ZDHHC12: variants seen among roughly 807,000 people sequenced by gnomAD.
ZDHHC12 encodes the protein zDHHC palmitoyltransferase 12.
Under a neutral mutation model 33.2 loss-of-function variants are expected in ZDHHC12, and 26 were observed. The observed-to-expected ratio is 0.78, with a 90% confidence interval of 0.57 to 1.09. ZDHHC12 has a LOEUF of 1.09. ZDHHC12 is among the 50% of genes least tolerant of loss of function. The pLI, the probability that ZDHHC12 is intolerant of heterozygous loss-of-function variation, is 0.00. For missense variants in ZDHHC12, 350 were observed against 353.0 expected, an observed-to-expected ratio of 0.99 and a Z score of 0.07; for synonymous variants, 154 against 152.1, an observed-to-expected ratio of 1.01 and a Z score of -0.09.
chr9:128,721,473 C>A lies in ZDHHC12; in HGVS notation c.512G>T (p.Gly171Val). ...WSGLRFFQPW[G>V]QWLRSSGLLF... ...GAGCCCGCTGGACCGCAACCACTGA[C>A]CCCAGGGCTGGAAGAACCGGAGGCC... The change falls in exon 5 of 5, where the codon GGT becomes GTT. Residue 171 changes from glycine to valine, a missense_variant. Physicochemically the swap from Gly to Val is moderately radical, Grantham distance 109. Transcript: ENST00000372663. The surrounding 1 kb of genome is among the most constrained non-coding windows in gnomAD (Gnocchi z 6.9). The A allele has an allele frequency of 6.3e-7, 1 of 1,594,364 alleles. No individual in the cohort carries two copies. The highest frequency in any genetic ancestry group is 8.5e-7 in the Non-Finnish European group (1 of 1,170,892).
chr9:128,722,762 G>A lies in ZDHHC12; in HGVS notation c.101-188C>T, dbSNP rs978482538. On this transcript the variant is annotated intron_variant, in intron 1 of 4. Transcript: ENST00000372663. The surrounding 1 kb of genome is among the most constrained non-coding windows in gnomAD (Gnocchi z 4.2). The stretch of plus-strand genomic sequence containing the variant: ...TATCTGGAGGGTCAGAGGGAACCAT[G>A]GAAGGTTATAGAGCCAGATCTGTTT... 3.5e-6 allele frequency: 5 copies of A among 1,431,670 alleles called. No individual in the cohort carries two copies. Among genetic ancestry groups the A allele is most frequent in the Non-Finnish European group, 4.6e-6 (5 of 1,088,304 alleles). 88.7% of individuals were successfully genotyped at this position (1,431,670 alleles called of 1,614,324 possible).
In ZDHHC12 at chr9:128,722,008, C is replaced by A; in HGVS notation, c.315+1G>T. ...CCCACGGGTGTCCGTGCATCACTCA[C>A]CAGCACCAGGCAGTATCTGCAGCGC... On this transcript the variant is annotated splice_donor_variant, in intron 3 of 4. Coordinates refer to ENST00000372663, the MANE Select transcript of ZDHHC12 (RefSeq NM_032799.5). LOFTEE classifies it high-confidence loss of function. This position sits in a 1 kb window ranked among gnomAD's most constrained non-coding sequence, Gnocchi z 4.2. The A allele has an allele frequency of 6.2e-7, 1 of 1,614,032 alleles. No homozygotes were observed. The highest frequency in any genetic ancestry group is 8.5e-7 in the Non-Finnish European group (1 of 1,179,990).
Position 128,722,132 on chromosome 9 carries a change from G to T in ZDHHC12, c.238-46C>A. The T allele has an allele frequency of 6.2e-7, 1 of 1,610,524 alleles. No individual in the cohort carries two copies. The highest frequency in any genetic ancestry group is 8.5e-7 in the Non-Finnish European group (1 of 1,177,064). On this transcript the variant is annotated intron_variant, in intron 2 of 4. Transcript: ENST00000372663. This position sits in a 1 kb window ranked among gnomAD's most constrained non-coding sequence, Gnocchi z 4.2. ...TAAGACAGGGTCCCCTTGGGAGACA[G>T]ATGGCATTGGCGGGCAGCTCCCCTA...
Position 128,721,594 on chromosome 9 carries a change from C to A in ZDHHC12, c.482+57G>T, listed in dbSNP as rs1198311030. ...GGTCCCTGGGAGTCCTGGCTCTGTC[C>A]ACCCCTGTGGGAGCATTCATCCCAC... On this transcript the variant is annotated intron_variant, in intron 4 of 4. Coordinates refer to ENST00000372663, the MANE Select transcript of ZDHHC12 (RefSeq NM_032799.5). The surrounding 1 kb of genome is among the most constrained non-coding windows in gnomAD (Gnocchi z 6.9). The A allele has an allele frequency of 2.5e-6, 4 of 1,597,474 alleles. No homozygotes were observed. The highest frequency in any genetic ancestry group is 1.7e-5 in the Admixed American group (1 of 59,146).
In ZDHHC12 at chr9:128,721,276, G is replaced by C. The variant is rs781585258; in HGVS notation, c.709C>G (p.Arg237Gly). The change falls in exon 5 of 5, where the codon CGC becomes GGC. Residue 237 changes from arginine to glycine, a missense_variant. Arg to Gly is a moderately radical substitution (Grantham distance 125). Coordinates refer to ENST00000372663, the MANE Select transcript of ZDHHC12 (RefSeq NM_032799.5). This position sits in a 1 kb window ranked among gnomAD's most constrained non-coding sequence, Gnocchi z 6.9. ...PSNPFDRGLTRNLAHFFCGWP... is the reference protein window; with the variant it reads ...PSNPFDRGLTGNLAHFFCGWP... ...CCACAGAAGAAGTGGGCCAGGTTGC[G>C]GGTCAGGCCTCGGTCGAAGGGGTTG... 6.2e-7 allele frequency: 1 copy of C among 1,601,870 alleles called. No individual in the cohort carries two copies. The highest frequency in any genetic ancestry group is 8.5e-7 in the Non-Finnish European group (1 of 1,174,192).
Position 128,722,802 on chromosome 9 carries a change from G to T in ZDHHC12, c.101-228C>A. The T allele has an allele frequency of 7.3e-7, 1 of 1,367,036 alleles. No homozygotes were observed. Among genetic ancestry groups the T allele is most frequent in the Non-Finnish European group, 9.5e-7 (1 of 1,047,470 alleles). 84.7% of individuals were successfully genotyped at this position (1,367,036 alleles called of 1,614,324 possible). A position where few individuals can be genotyped will look rare whatever the true frequency, so the allele number is the denominator to read the frequency against. On this transcript the variant is annotated intron_variant, in intron 1 of 4. Transcript: ENST00000372663. The surrounding 1 kb of genome is among the most constrained non-coding windows in gnomAD (Gnocchi z 4.2). ...CAGATCTGTTTTGGAAAACCTCATT[G>T]CTAAAGAAATGGATCAGGGGAAGCC... is the stretch of plus-strand genomic sequence containing the variant.
Position 128,723,944 on chromosome 9 carries a change from G to C in ZDHHC12, c.100+50C>G, listed in dbSNP as rs952395708. On this transcript the variant is annotated intron_variant, in intron 1 of 4. Coordinates refer to ENST00000372663, the MANE Select transcript of ZDHHC12 (RefSeq NM_032799.5). The surrounding 1 kb of genome is among the most constrained non-coding windows in gnomAD (Gnocchi z 4.4). ...GACCCAGTGTGACCAGAACGTCTGG[G>C]GAAGTACGCGGGATCGGGTGGGTCC... 3 of 1,585,504 alleles carry C rather than the reference G, an allele frequency of 1.9e-6. No individual in the cohort carries two copies. The highest frequency in any genetic ancestry group is 1.8e-5 in the Admixed American group (1 of 56,212).
At position 128,724,126 on chromosome 9, in the gene ZDHHC12, G is replaced by A; in HGVS notation, c.-33C>T. The A allele has an allele frequency of 1.3e-6, 2 of 1,494,548 alleles. No homozygotes were observed. The highest frequency in any genetic ancestry group is 1.4e-5 in the African/African-American group (1 of 70,838). 92.6% of individuals were successfully genotyped at this position (1,494,548 alleles called of 1,614,324 possible). ...GCCCGGGGCCCCACCCGGAAGAAGC[G>A]CCCAGAGGGGCGGGCCCTCCGAGGG... On this transcript the variant is annotated 5_prime_UTR_variant, in exon 1 of 5. Transcript: ENST00000372663.
In ZDHHC12 at chr9:128,722,217, G is replaced by A; in HGVS notation, c.238-131C>T. The A allele has an allele frequency of 3.3e-6, 4 of 1,220,606 alleles. No homozygotes were observed. In the South Asian group the frequency reaches 5.5e-5, roughly 17 times the overall value. 75.6% of individuals were successfully genotyped at this position (1,220,606 alleles called of 1,614,324 possible). On this transcript the variant is annotated intron_variant, in intron 2 of 4. Transcript: ENST00000372663. This position sits in a 1 kb window ranked among gnomAD's most constrained non-coding sequence, Gnocchi z 4.2. The stretch of plus-strand genomic sequence containing the variant: ...CCCATCCCATGCAGAATGGAGGTGT[G>A]GGGTATGGCGGAGCACCCTGGACTG...
In ZDHHC12 at chr9:128,721,763, C is replaced by A; in HGVS notation, c.370G>T (p.Asp124Tyr). ...RECRRCVRRY[D>Y]HHCPWMENCV... ...TTCTCCATCCAGGGGCAGTGGTGGT[C>A]GTAGCGGCGGACGCAACGGCGGCAC... The change falls in exon 4 of 5, where the codon GAC becomes TAC. Residue 124 changes from aspartate to tyrosine, a missense_variant. Asp to Tyr is a radical substitution (Grantham distance 160, BLOSUM62 -3). Coordinates refer to ENST00000372663, the MANE Select transcript of ZDHHC12 (RefSeq NM_032799.5). The surrounding 1 kb of genome is among the most constrained non-coding windows in gnomAD (Gnocchi z 6.9). 1 of 1,613,736 alleles carries A rather than the reference C, an allele frequency of 6.2e-7. No homozygotes were observed. Among genetic ancestry groups the A allele is most frequent in the East Asian group, 2.2e-5 (1 of 44,882 alleles).
chr9:128,721,580 G>A lies in ZDHHC12; in HGVS notation c.482+71C>T. ...CCCTCCCCATGCCGGGTCCCTGGGA[G>A]TCCTGGCTCTGTCCACCCCTGTGGG... On this transcript the variant is annotated intron_variant, in intron 4 of 4. Coordinates refer to ENST00000372663, the MANE Select transcript of ZDHHC12 (RefSeq NM_032799.5). This position sits in a 1 kb window ranked among gnomAD's most constrained non-coding sequence, Gnocchi z 6.9. 2.5e-6 allele frequency: 4 copies of A among 1,591,270 alleles called. No homozygotes were observed. The highest frequency in any genetic ancestry group is 3.4e-6 in the Non-Finnish European group (4 of 1,166,254).
chr9:128,721,646 C>T lies in ZDHHC12; in HGVS notation c.482+5G>A. ...CTCCCTCTACACCCGGGCAGCAGCA[C>T]CCACCATGCCAGGTACAGGCCCCAC... On this transcript the variant is annotated splice_donor_5th_base_variant and intron_variant, in intron 4 of 4. Transcript: ENST00000372663. This position sits in a 1 kb window ranked among gnomAD's most constrained non-coding sequence, Gnocchi z 6.9. 1.2e-6 allele frequency: 2 copies of T among 1,613,114 alleles called. No homozygotes were observed. The highest frequency in any genetic ancestry group is 1.7e-5 in the Admixed American group (1 of 59,976).
At position 128,723,874 on chromosome 9, in the gene ZDHHC12, G is replaced by A. The variant is rs1210183112; in HGVS notation, c.100+120C>T. On this transcript the variant is annotated intron_variant, in intron 1 of 4. Coordinates refer to ENST00000372663, the MANE Select transcript of ZDHHC12 (RefSeq NM_032799.5). This position sits in a 1 kb window ranked among gnomAD's most constrained non-coding sequence, Gnocchi z 4.4. ...AGATGGGGAGAGGGCTTCAGGAGCT[G>A]GTGGAGATCGGGCCAATCCCAGGAT... 1.4e-6 allele frequency: 2 copies of A among 1,437,598 alleles called. No homozygotes were observed. The highest frequency in any genetic ancestry group is 1.3e-5 in the South Asian group (1 of 74,354). The allele number at this position is 1,437,598 out of a possible 1,614,324, so 89.1% of individuals were successfully genotyped here.
chr9:128,722,095 A>G lies in ZDHHC12; in HGVS notation c.238-9T>C. On this transcript the variant is annotated splice_polypyrimidine_tract_variant and intron_variant, in intron 2 of 4. Coordinates refer to ENST00000372663, the MANE Select transcript of ZDHHC12 (RefSeq NM_032799.5). This position sits in a 1 kb window ranked among gnomAD's most constrained non-coding sequence, Gnocchi z 4.2. ...TCCTCTTTGAGCTCCTCCTGGAATG[A>G]GGGGTGGGGTGTAAGACAGGGTCCC... 6.2e-7 allele frequency: 1 copy of G among 1,613,690 alleles called. No individual in the cohort carries two copies. The highest frequency in any genetic ancestry group is 8.5e-7 in the Non-Finnish European group (1 of 1,179,886).
chr9:128,721,941 G>T lies in ZDHHC12; in HGVS notation c.315+68C>A. The T allele has an allele frequency of 6.2e-7, 1 of 1,610,674 alleles. No homozygotes were observed. Among genetic ancestry groups the T allele is most frequent in the Non-Finnish European group, 8.5e-7 (1 of 1,177,774 alleles). On this transcript the variant is annotated intron_variant, in intron 3 of 4. Transcript: ENST00000372663. This position sits in a 1 kb window ranked among gnomAD's most constrained non-coding sequence, Gnocchi z 6.9. ...AGGAGGGGCGAGGCCCAGGCAGTGG[G>T]GCAGGAGGAGGTCGAGGAGTCTCAG...
Position 128,721,106 on chromosome 9 carries a change from T to C in ZDHHC12, c.*75A>G. ...GGGCAGGAGTGAGGGCCCCAGGCCC[T>C]CTGAGCGCTCACCCCAGCTGGGGAC... On this transcript the variant is annotated 3_prime_UTR_variant, in exon 5 of 5. Transcript: ENST00000372663. This position sits in a 1 kb window ranked among gnomAD's most constrained non-coding sequence, Gnocchi z 6.9. The C allele has an allele frequency of 7.0e-7, 1 of 1,420,022 alleles. No individual in the cohort carries two copies. Among genetic ancestry groups the C allele is most frequent in the South Asian group, 1.5e-5 (1 of 67,962 alleles). 88.0% of individuals were successfully genotyped at this position (1,420,022 alleles called of 1,614,324 possible).
Position 128,722,775 on chromosome 9 carries a change from G to C in ZDHHC12, c.101-201C>G. Reference sequence around the variant, plus strand: ...AGAGGGAACCATGGAAGGTTATAGAGCCAGATCTGTTTTGGAAAACCTCAT... The same window carrying C: ...AGAGGGAACCATGGAAGGTTATAGACCCAGATCTGTTTTGGAAAACCTCAT... On this transcript the variant is annotated intron_variant, in intron 1 of 4. Coordinates refer to ENST00000372663, the MANE Select transcript of ZDHHC12 (RefSeq NM_032799.5). The surrounding 1 kb of genome is among the most constrained non-coding windows in gnomAD (Gnocchi z 4.2). The C allele has an allele frequency of 7.1e-7, 1 of 1,411,196 alleles. No individual in the cohort carries two copies. Among genetic ancestry groups the C allele is most frequent in the Non-Finnish European group, 9.3e-7 (1 of 1,077,796 alleles). 87.4% of individuals were successfully genotyped at this position (1,411,196 alleles called of 1,614,324 possible). A position where few individuals can be genotyped will look rare whatever the true frequency, so the allele number is the denominator to read the frequency against.
chr9:128,721,342 T>C lies in ZDHHC12; in HGVS notation c.643A>G (p.Ile215Val), dbSNP rs1429583221. Reference sequence around the variant, plus strand: ...AGATAGGCGATGCGGTGTGAGGAGATGAATTCCCAGGTGGTGGTGTTGCTG... The same window carrying C: ...AGATAGGCGATGCGGTGTGAGGAGACGAATTCCCAGGTGGTGGTGTTGCTG... Reference protein sequence around the residue: ...VASNTTTWEFISSHRIAYLRQ... With the variant: ...VASNTTTWEFVSSHRIAYLRQ... The change falls in exon 5 of 5, where the codon ATC becomes GTC. Residue 215 changes from isoleucine to valine, a missense_variant. By Grantham distance (29) the Ile-to-Val change is conservative. Transcript: ENST00000372663. This position sits in a 1 kb window ranked among gnomAD's most constrained non-coding sequence, Gnocchi z 6.9. 3.0e-5 allele frequency: 47 copies of C among 1,591,704 alleles called. No individual in the cohort carries two copies. Among genetic ancestry groups the C allele is most frequent in the Non-Finnish European group, 3.8e-5 (44 of 1,169,234 alleles).
In ZDHHC12 at chr9:128,722,694, T is replaced by C. The variant is rs1456616993; in HGVS notation, c.101-120A>G. On this transcript the variant is annotated intron_variant, in intron 1 of 4. Transcript: ENST00000372663. The surrounding 1 kb of genome is among the most constrained non-coding windows in gnomAD (Gnocchi z 4.2). ...CTGAGCAAAGGCCTGGAGATGTTGG[T>C]TCCATGAGTGGCTGTGTGTGGCCAG... 1 of 1,482,642 alleles carries C rather than the reference T, an allele frequency of 6.7e-7. No homozygotes were observed. Among genetic ancestry groups the C allele is most frequent in the Non-Finnish European group, 9.0e-7 (1 of 1,110,670 alleles). 91.8% of individuals were successfully genotyped at this position (1,482,642 alleles called of 1,614,324 possible).
Sources: allele counts gnomAD v4.1 joint callset, GRCh38; gene constraint gnomAD v4.1.1; non-coding constraint Gnocchi (gnomAD v3.1); transcripts MANE v1.5; gene names NCBI Gene and HGNC (gene_info 2026-07-23, HGNC 2026-07-21).